Variants in NOL4 observed in about 807,000 individuals in gnomAD.
The protein encoded by NOL4 is cancer/testis antigen 125.
Under a neutral mutation model 75.9 loss-of-function variants are expected in NOL4, and 17 were observed. The ratio of observed to expected loss-of-function variants is 0.22; its 90% confidence interval spans 0.15 to 0.34. NOL4 has a LOEUF of 0.34. Among genes scored for constraint, NOL4 ranks in the 10% least tolerant of loss-of-function variants. NOL4 has a pLI of 1.00. For missense variants in NOL4, 614 were observed against 793.5 expected (o/e 0.77, Z 2.72); for synonymous variants, 292 against 289.9 (o/e 1.01, Z -0.07).
chr18:34,092,592 A>AT (rs2078578650), intron 5 of NOL4, among the ~76,000 whole-genome samples: 1 of 152,150 alleles, frequency 6.6e-6, no homozygotes, highest in African/African-American at 2.4e-5. Context: ...GAAAGCAAAG[A>AT]TTTTTTCAGT....
chr18:33,887,036 T>TCTATATACATA (rs1172357059), intron 9 of NOL4, among the ~76,000 whole-genome samples: 1 of 140,190 alleles, frequency 7.1e-6, no homozygotes, highest in Non-Finnish European at 1.5e-5. Context: ...TCTAGATATA[T>TCTATATACATA]TATATCTAGA....
chr18:33,979,114 G>T (rs138228335), intron 6 of NOL4, among the ~76,000 whole-genome samples: 1 of 152,024 alleles, frequency 6.6e-6, no homozygotes, highest in Non-Finnish European at 1.5e-5. Context: ...TGATTGTAGA[G>T]CTTTGGTTTT....
chr18:34,112,966 A>G (rs944125411), intron 2 of NOL4, among the ~76,000 whole-genome samples: 3 of 152,142 alleles, frequency 2.0e-5, no homozygotes, highest in Non-Finnish European at 4.4e-5. Context: ...TTGTACACCT[A>G]ACATATATAA....
At chr18:33,898,364 C>T (rs1042250533) in intron 9 of NOL4, among the ~76,000 whole-genome samples, 5 of 152,170 alleles carry the variant, frequency 3.3e-5, no homozygotes, top group African/African-American at 9.6e-5. Flanking sequence ...ATTCTTACCC[C>T]TAGTCTCAGT....
intron 9 of NOL4, among the ~76,000 whole-genome samples, chr18:33,923,355 T>C (rs2067147277): frequency 6.6e-6 from 1 of 151,980 alleles, no homozygotes; most frequent in Non-Finnish European, 1.5e-5. Flanking sequence ...TATCATAGAT[T>C]ATCACACACC....
At chr18:34,008,214 A>G (rs2074151983) in intron 6 of NOL4, among the ~76,000 whole-genome samples, 2 of 151,938 alleles carry the variant, frequency 1.3e-5, no homozygotes, top group African/African-American at 2.4e-5. Context: ...TGGGACTTAC[A>G]CCATTGGCTC....
intron 1 of NOL4, among the ~76,000 whole-genome samples, chr18:34,171,277 TTTG>T (rs752999680): frequency 6.6e-5 from 10 of 152,086 alleles, no homozygotes; most frequent in Non-Finnish European, 1.5e-5. Context: ...CAATCCCCCT[TTTG>T]TTGTTGTTTT....
intron 5 of NOL4, among the ~76,000 whole-genome samples, chr18:34,044,932 A>G (rs970777886): frequency 6.6e-6 from 1 of 152,160 alleles, no homozygotes; most frequent in Non-Finnish European, 1.5e-5. Context: ...CACACTGCCC[A>G]CTACAAAATA....
rs140542956 is a variant in NOL4, at chr18:34,026,925, T to C, written c.773-7324A>G. The stretch of plus-strand genomic sequence containing the variant: ...AACTTCCATCTAAATTCTACTAGTA[T>C]ATCTCAGCAGGAAACACATGTTTGG... On this transcript the variant is annotated intron_variant, in intron 5 of 10. Transcript: ENST00000261592. 2.0e-5 allele frequency among the ~76,000 whole-genome samples: 3 copies of C among 152,272 alleles called. No individual in the cohort carries two copies. The East Asian group carries it at 5.8e-4, about 29-fold the overall frequency.
chr18:34,121,546 C>T (rs576421936), intron 2 of NOL4, among the ~76,000 whole-genome samples: 6 of 152,214 alleles, frequency 3.9e-5, no homozygotes, highest in South Asian at 2.1e-4. Flanking sequence ...AGAAAGACGG[C>T]GAAGATTTCA....
intron 6 of NOL4, among the ~76,000 whole-genome samples, chr18:33,999,509 T>C (rs2073540377): frequency 6.6e-6 from 1 of 152,094 alleles, no homozygotes; most frequent in South Asian, 2.1e-4. Flanking sequence ...CAATGTTTAT[T>C]GGTAATTTCC....
chr18:34,189,050 G>T (rs1412074684), intron 1 of NOL4, among the ~76,000 whole-genome samples: 1 of 152,104 alleles, frequency 6.6e-6, no homozygotes, highest in East Asian at 1.9e-4. Flanking sequence ...TTCTGTAATA[G>T]AATACCTGAG....
intron 10 of NOL4, among the ~76,000 whole-genome samples, chr18:33,865,743 C>G (rs2063401235): frequency 6.6e-6 from 1 of 152,042 alleles, no homozygotes. Context: ...CTATTTGTCT[C>G]TTCTGCAGTC....
intron 1 of NOL4, among the ~76,000 whole-genome samples, chr18:34,217,370 C>T (rs7241563): frequency 0.16 from 23,878 of 151,728 alleles, 1,970 homozygotes; most frequent in African/African-American, 0.2. Context: ...CTGCAACCTC[C>T]GCCTCCCGGG....
At chr18:34,053,269 T>C (rs976659902) in intron 5 of NOL4, among the ~76,000 whole-genome samples, 4 of 151,664 alleles carry the variant, frequency 2.6e-5, no homozygotes, top group Non-Finnish European at 5.9e-5. Flanking sequence ...ACTCTTAAAT[T>C]GCCAAGAGCA....
intron 1 of NOL4, among the ~76,000 whole-genome samples, chr18:34,159,344 G>A (rs1035444380): frequency 1.3e-5 from 2 of 152,146 alleles, no homozygotes; most frequent in Non-Finnish European, 2.9e-5. Flanking sequence ...TTCTCCCGCT[G>A]ACGTCCCCCG....
chr18:33,935,263 T>A (rs1415847742), intron 9 of NOL4, among the ~76,000 whole-genome samples: 1 of 152,150 alleles, frequency 6.6e-6, no homozygotes, highest in Non-Finnish European at 1.5e-5. Context: ...CATCTCGGCT[T>A]TTCAACATGT....
intron 1 of NOL4, among the ~76,000 whole-genome samples, chr18:34,164,320 G>C (rs1260978167): frequency 5.9e-5 from 9 of 151,876 alleles, no homozygotes; most frequent in Non-Finnish European, 1.2e-4. Flanking sequence ...TAAAATGGGA[G>C]AAAATTTTCA....
rs2034155737 is a variant in NOL4, at chr18:34,182,920, G to A, written c.264+40070C>T. 3.3e-5 allele frequency among the ~76,000 whole-genome samples: 5 copies of A among 151,654 alleles called. 1 individual carries two copies. The South Asian group carries it at 1.0e-3, about 31-fold the overall frequency. On this transcript the variant is annotated intron_variant, in intron 1 of 10. Coordinates refer to ENST00000261592, the MANE Select transcript of NOL4 (RefSeq NM_003787.5). The stretch of plus-strand genomic sequence containing the variant: ...CTTTGTTAACTCAAAATGAACTATA[G>A]AGTAAATTTAAAACATAAAACTACA...
Sources: gnomAD v4.1 joint callset for allele counts (sites outside exome capture counted in the v4.1 genomes callset) on GRCh38, gnomAD v4.1.1 for gene constraint, MANE v1.5 for transcripts, NCBI Gene and HGNC (gene_info 2026-07-23, HGNC 2026-07-21) for gene names.